ENTREP2: variants seen among roughly 807,000 people sequenced by gnomAD.
ENTREP2 encodes endosomal transmembrane epsin interactor 2.
At chr15:29,190,504 T>G in the ENTREP2 span, among the ~76,000 whole-genome samples, 5 of 152,214 alleles carry the variant, frequency 3.3e-5, no homozygotes, top group South Asian at 2.1e-4. Context: ...GATTCCAAAT[T>G]TATTCCTCCT....
At chr15:29,603,737 C>T in the ENTREP2 span, among the ~76,000 whole-genome samples, 2 of 152,138 alleles carry the variant, frequency 1.3e-5, no homozygotes, top group Non-Finnish European at 2.9e-5. Flanking sequence ...CGCCCGGGTT[C>T]AAGCGATTCT....
the ENTREP2 span, among the ~76,000 whole-genome samples, chr15:29,370,358 A>C: frequency 3.3e-5 from 5 of 152,160 alleles, no homozygotes; most frequent in African/African-American, 9.7e-5. Flanking sequence ...TAAGACAAAA[A>C]TTGTTACTAG....
chr15:29,181,121 C>T, the ENTREP2 span, among the ~76,000 whole-genome samples: 1 of 151,918 alleles, frequency 6.6e-6, no homozygotes, highest in African/African-American at 2.4e-5. Context: ...TTAAAAAAGA[C>T]ATAACTAGGC....
the ENTREP2 span, among the ~76,000 whole-genome samples, chr15:29,280,750 G>C: frequency 7.5e-4 from 114 of 152,316 alleles, no homozygotes; most frequent in African/African-American, 2.7e-3. Flanking sequence ...GCCATGGGAA[G>C]GCGTTTCCTC....
the ENTREP2 span, among the ~76,000 whole-genome samples, chr15:29,279,556 G>A: frequency 2.0e-5 from 3 of 151,956 alleles, no homozygotes; most frequent in Non-Finnish European, 4.4e-5. Context: ...GTAGAGACGG[G>A]GTTTCACCAT....
the ENTREP2 span, among the ~76,000 whole-genome samples, chr15:29,149,900 C>G: frequency 6.6e-5 from 10 of 152,324 alleles, no homozygotes; most frequent in Non-Finnish European, 1.5e-4. Context: ...GCTTCCAAGC[C>G]AGGGTGTGAG....
the ENTREP2 span, among the ~76,000 whole-genome samples, chr15:29,563,227 T>C: frequency 3.5e-4 from 54 of 152,354 alleles, no homozygotes; most frequent in African/African-American, 1.3e-3. Context: ...TGCATTATAG[T>C]TCTAAATATT....
At chr15:29,323,593 A>G in the ENTREP2 span, among the ~76,000 whole-genome samples, 8 of 152,122 alleles carry the variant, frequency 5.3e-5, no homozygotes, top group African/African-American at 1.9e-4. Flanking sequence ...GGAACCCCAA[A>G]TGAAAGCTGA....
At chr15:29,357,398 G>C in the ENTREP2 span, among the ~76,000 whole-genome samples, 1 of 151,724 alleles carries the variant, frequency 6.6e-6, no homozygotes, top group Non-Finnish European at 1.5e-5. Flanking sequence ...GCCTCGGAGG[G>C]GGTATTTTCA....
At chr15:29,597,075 T>C in the ENTREP2 span, among the ~76,000 whole-genome samples, 2 of 120,532 alleles carry the variant, frequency 1.7e-5, no homozygotes, top group Non-Finnish European at 3.8e-5. Flanking sequence ...GCCATTATAG[T>C]ATCACTCATA....
the ENTREP2 span, among the ~76,000 whole-genome samples, chr15:29,464,354 C>T: frequency 1.3e-5 from 2 of 152,170 alleles, no homozygotes; most frequent in African/African-American, 4.8e-5. Flanking sequence ...GCAAGAACAG[C>T]CACTTTCATT....
chr15:29,548,708 A>G, the ENTREP2 span, among the ~76,000 whole-genome samples: 28 of 152,326 alleles, frequency 1.8e-4, no homozygotes, highest in Admixed American at 3.9e-4. Flanking sequence ...TTATGCTTCA[A>G]TCCTTTAGAG....
the ENTREP2 span, among the ~76,000 whole-genome samples, chr15:29,542,626 C>G: frequency 6.6e-6 from 1 of 152,164 alleles, no homozygotes; most frequent in Non-Finnish European, 1.5e-5. Context: ...TTTTAAGTTA[C>G]GGTTCTACGG....
the ENTREP2 span, among the ~76,000 whole-genome samples, chr15:29,307,320 G>T: frequency 6.6e-6 from 1 of 151,588 alleles, no homozygotes; most frequent in Admixed American, 6.6e-5. Context: ...CAAAATAAAC[G>T]TTTAAATAAC....
At chr15:29,594,072 A>G in the ENTREP2 span, among the ~76,000 whole-genome samples, 1 of 152,140 alleles carries the variant, frequency 6.6e-6, no homozygotes, top group Non-Finnish European at 1.5e-5. Context: ...TGCAACTTCT[A>G]GTGAATCTAT....
chr15:29,564,318 C>T, the ENTREP2 span, among the ~76,000 whole-genome samples: 3 of 152,200 alleles, frequency 2.0e-5, no homozygotes, highest in African/African-American at 7.2e-5. Flanking sequence ...AGGCTATATG[C>T]TCTCAGCTTT....
At chr15:29,394,882 CT>C in the ENTREP2 span, among the ~76,000 whole-genome samples, 2,609 of 95,610 alleles carry the variant, frequency 0.027, 22 homozygotes, top group African/African-American at 0.053. Flanking sequence ...GTCAGAATCT[CT>C]TTTTTTTTTT....
At chr15:29,493,125 C>CTTTT in the ENTREP2 span, among the ~76,000 whole-genome samples, 15 of 84,776 alleles carry the variant, frequency 1.8e-4, 2 homozygotes, top group African/African-American at 4.2e-4. Context: ...CCTGACAACC[C>CTTTT]TTTTTTTTTT....
At chr15:29,331,165 T>C in the ENTREP2 span, among the ~76,000 whole-genome samples, 1 of 152,180 alleles carries the variant, frequency 6.6e-6, no homozygotes, top group Non-Finnish European at 1.5e-5. Context: ...AACTGATGTA[T>C]GGAGGAATAA....
Sources: allele counts gnomAD v4.1 joint callset (sites outside exome capture counted in the v4.1 genomes callset), GRCh38; gene constraint gnomAD v4.1.1; transcripts MANE v1.5; gene names NCBI Gene and HGNC (gene_info 2026-07-23, HGNC 2026-07-21).